CNOT2: variants seen among roughly 807,000 people sequenced by gnomAD.
CNOT2 encodes CCR4-NOT transcription complex subunit 2.
A neutral mutation model predicts 72.1 loss-of-function variants in CNOT2; 7 were observed. The observed-to-expected ratio is 0.10, with a 90% CI of 0.06 to 0.18. CNOT2 has a LOEUF of 0.18. Ranked by LOEUF, CNOT2 falls within the 10% of genes least tolerant of loss-of-function variation. The probability of loss-of-function intolerance (pLI) is 1.00; values close to 1 mark genes in which losing one functional copy is unlikely to be tolerated. For missense variants in CNOT2, 345 were observed against 660.3 expected (o/e 0.52, Z 5.23); for synonymous variants, 196 against 225.6 (o/e 0.87, Z 1.17).
intron 15 of CNOT2, 38 bp downstream of exon 15, chr12:70,346,362 C>T: frequency 6.4e-7 from 1 of 1,559,234 alleles, no homozygotes; most frequent in Non-Finnish European, 8.8e-7. Context: ...TAAATCTAAA[C>T]TTGAAAAAAG....
intron 1 of CNOT2, among the ~76,000 whole-genome samples, chr12:70,259,361 A>G (rs1277286568): frequency 1.3e-5 from 2 of 152,094 alleles, no homozygotes; most frequent in Non-Finnish European, 2.9e-5. Context: ...TTATTTTTAA[A>G]TCAACTTTGT....
At chr12:70,286,755 A>C (rs911909141) in intron 2 of CNOT2, among the ~76,000 whole-genome samples, 1 of 149,962 alleles carries the variant, frequency 6.7e-6, no homozygotes, top group African/African-American at 2.4e-5. Context: ...GCTCCCCTCC[A>C]ACACAAAAAG....
chr12:70,338,291 T>C (rs1880975594), intron 9 of CNOT2, 152 bp from the exon 10 acceptor site: 1 of 621,866 alleles, frequency 1.6e-6, no homozygotes, highest in Admixed American at 3.3e-5. Context: ...GGAACAATGA[T>C]GGAAACAATT....
intron 2 of CNOT2, among the ~76,000 whole-genome samples, chr12:70,300,746 A>G (rs1873785145): frequency 6.6e-6 from 1 of 152,118 alleles, no homozygotes; most frequent in African/African-American, 2.4e-5. Context: ...GTTTTTTCCA[A>G]TTCTGTGAAG....
At chr12:70,257,328 T>C (rs960718393) in intron 1 of CNOT2, among the ~76,000 whole-genome samples, 10 of 151,316 alleles carry the variant, frequency 6.6e-5, no homozygotes, top group Non-Finnish European at 2.9e-5. Flanking sequence ...CAGGATACTC[T>C]CAGTGAGTCT....
At chr12:70,279,303 A>T (rs1593106685) in intron 2 of CNOT2, among the ~76,000 whole-genome samples, 1 of 152,236 alleles carries the variant, frequency 6.6e-6, no homozygotes, top group African/African-American at 2.4e-5. Flanking sequence ...TGGTATAACA[A>T]AGAGGCTTTG....
rs1489356910 is a variant in CNOT2 at position 70,330,462 on chromosome 12, G to A, written c.562G>A (p.Val188Met). ...GCAGCCTTCTCGACAGCCTTTTACT[G>A]TGAACAGGTAAGATGTTTATTGATA... ...KQQPSRQPFT[V>M]NSMSGFGMNR... Residue 188 changes from valine (V) to methionine (M), a missense_variant, in exon 6 of 16, where the codon GTG becomes ATG. Coordinates refer to ENST00000229195, the MANE Select transcript of CNOT2 (RefSeq NM_014515.7). 4 of 1,609,902 alleles carry A rather than the reference G, an allele frequency of 2.5e-6. No homozygotes were observed. Among genetic ancestry groups the A allele is most frequent in the Non-Finnish European group, 3.4e-6 (4 of 1,177,166 alleles).
At chr12:70,299,493 G>A (rs1183487028) in intron 2 of CNOT2, among the ~76,000 whole-genome samples, 5 of 151,210 alleles carry the variant, frequency 3.3e-5, no homozygotes, top group Non-Finnish European at 4.4e-5. Flanking sequence ...TTGTCCTTGC[G>A]ATAGTTTGCT....
chr12:70,264,193 T>C (rs1457289366), intron 1 of CNOT2, among the ~76,000 whole-genome samples: 1 of 152,192 alleles, frequency 6.6e-6, no homozygotes, highest in African/African-American at 2.4e-5. Context: ...GTGTTTGTTA[T>C]GAACTGCGGA....
chr12:70,338,557 C>G lies in CNOT2; in HGVS notation c.1015C>G (p.Pro339Ala), dbSNP rs201404533. 28 of 1,610,086 alleles carry G rather than the reference C, an allele frequency of 1.7e-5. No homozygotes were observed. The African/African-American group carries it at 3.8e-4, about 22-fold the overall frequency. Residue 339 changes from proline (P) to alanine (A), a missense_variant, in exon 10 of 16, where the codon CCT becomes GCT. Transcript: ENST00000229195. ...GCAGAAAAAAGGGATCCAGGTGTTA[C>G]CTGATGGTGGGACTCTAGAAATCTA... Reference protein sequence around the residue: ...NQQKKGIQVLPDGRVTNIPQG... With the variant: ...NQQKKGIQVLADGRVTNIPQG...
intron 2 of CNOT2, among the ~76,000 whole-genome samples, chr12:70,304,788 C>T (rs2135933541): frequency 6.6e-6 from 1 of 152,352 alleles, no homozygotes; most frequent in African/African-American, 2.4e-5. Context: ...CCTACAGAGG[C>T]AGGCAGGCCT....
intron 12 of CNOT2, 29 bp downstream of exon 12, chr12:70,342,197 T>C (rs1027219866): frequency 6.2e-7 from 1 of 1,612,932 alleles, no homozygotes; most frequent in Non-Finnish European, 8.5e-7. Flanking sequence ...GTTTAGACCT[T>C]TTAAAAAGAA....
intron 15 of CNOT2, among the ~76,000 whole-genome samples, chr12:70,350,607 G>A (rs1882745274): frequency 6.6e-6 from 1 of 152,108 alleles, no homozygotes; most frequent in Non-Finnish European, 1.5e-5. Flanking sequence ...GCTTTCTGAT[G>A]GTTCAGTGTA....
chr12:70,294,717 C>G (rs563785351), intron 2 of CNOT2, among the ~76,000 whole-genome samples: 1 of 152,112 alleles, frequency 6.6e-6, no homozygotes, highest in Non-Finnish European at 1.5e-5. Flanking sequence ...CTTCCACTAG[C>G]TTTAGATGTG....
chr12:70,347,494 C>T (rs1008101834), intron 15 of CNOT2: 4 of 151,968 alleles, frequency 2.6e-5, no homozygotes, highest in African/African-American at 9.7e-5. Flanking sequence ...TTAGCTGGGC[C>T]TGGTGGAGGG....
intron 2 of CNOT2, among the ~76,000 whole-genome samples, chr12:70,302,583 G>A (rs923249181): frequency 2.0e-5 from 3 of 152,192 alleles, no homozygotes; most frequent in African/African-American, 7.2e-5. Flanking sequence ...CTGAGAGACA[G>A]TTTGTTATAA....
chr12:70,330,268 T>C lies in CNOT2; in HGVS notation c.387-19T>C. The C allele has an allele frequency of 7.3e-7, 1 of 1,371,034 alleles. No homozygotes were observed. The highest frequency in any genetic ancestry group is 1.4e-5 in the African/African-American group (1 of 70,136). 84.9% of individuals were successfully genotyped at this position (1,371,034 alleles called of 1,614,324 possible). A position where few individuals can be genotyped will look rare whatever the true frequency, so the allele number is the denominator to read the frequency against. On this transcript the variant is annotated intron_variant, in intron 5 of 15. Coordinates refer to ENST00000229195, the MANE Select transcript of CNOT2 (RefSeq NM_014515.7). ...GTGATTGTAGAGAGCTTATTTAGTA[T>C]AATGGACTTCTTTTTCAGGGGTATT... is the stretch of plus-strand genomic sequence containing the variant.
intron 1 of CNOT2, among the ~76,000 whole-genome samples, chr12:70,270,194 T>G (rs1184916519): frequency 6.6e-6 from 1 of 152,182 alleles, no homozygotes; most frequent in Non-Finnish European, 1.5e-5. Flanking sequence ...AATTTCTGTG[T>G]GAAATAATTT....
chr12:70,270,261 G>A (rs930372971), intron 1 of CNOT2, among the ~76,000 whole-genome samples: 11 of 152,062 alleles, frequency 7.2e-5, no homozygotes, highest in Admixed American at 6.6e-5. Flanking sequence ...ATGGCAAGCT[G>A]CTATAGTTAT....
Sources: gnomAD v4.1 joint callset for allele counts (sites outside exome capture counted in the v4.1 genomes callset) on GRCh38, gnomAD v4.1.1 for gene constraint, MANE v1.5 for transcripts, NCBI Gene and HGNC (gene_info 2026-07-23, HGNC 2026-07-21) for gene names.